ARHGAP45: variants seen among roughly 807,000 people sequenced by gnomAD.
ARHGAP45 encodes Rho GTPase activating protein 45.
In ARHGAP45, 56 loss-of-function variants were observed where a neutral mutation model predicts 116.1. The ratio of observed to expected loss-of-function variants is 0.48; its 90% CI spans 0.39 to 0.60. The LOEUF is 0.60. Among genes scored for constraint, ARHGAP45 ranks in the 20% least tolerant of loss-of-function variants. The pLI, the probability that ARHGAP45 is intolerant of heterozygous loss-of-function variation, is 0.00. For missense variants in ARHGAP45, 1,622 were observed against 1,601.0 expected, an observed-to-expected ratio of 1.01 and a Z score of -0.22; for synonymous variants, 866 against 701.7, an observed-to-expected ratio of 1.23 and a Z score of -3.70.
Position 1,086,238 on chromosome 19 carries a change from G to A in ARHGAP45, c.*232G>A, listed in dbSNP as rs534605555. On this transcript the variant is annotated 3_prime_UTR_variant, in exon 23 of 23. Transcript: ENST00000313093. ...CTGTCCCCTGCACCCCGGCTCAGCTGAGCTGGGGAACACTGCTGTCGTGTG... is the reference window on the plus strand; with the variant it reads ...CTGTCCCCTGCACCCCGGCTCAGCTAAGCTGGGGAACACTGCTGTCGTGTG... 1 of 541,586 alleles carries A rather than the reference G, an allele frequency of 1.8e-6. No homozygotes were observed. Among genetic ancestry groups the A allele is most frequent in the South Asian group, 2.3e-5 (1 of 44,400 alleles). The allele number at this position is 541,586 out of a possible 1,614,324, so 33.5% of individuals were successfully genotyped here. A position where few individuals can be genotyped will look rare whatever the true frequency, so the allele number is the denominator to read the frequency against.
chr19:1,080,795 C>T lies in ARHGAP45; in HGVS notation c.2017+9C>T, dbSNP rs1327124515. ...TTCAGCCTTTGAGCAGGGTGAGGGT[C>T]CCCTGACGGGGCTGGAGAGAGAGGG... is the stretch of plus-strand genomic sequence containing the variant. On this transcript the variant is annotated intron_variant, in intron 16 of 22. Transcript: ENST00000313093. 4 of 1,612,918 alleles carry T rather than the reference C, an allele frequency of 2.5e-6. No individual in the cohort carries two copies. Among genetic ancestry groups the T allele is most frequent in the Non-Finnish European group, 3.4e-6 (4 of 1,179,694 alleles).
chr19:1,078,030 G>A lies in ARHGAP45; in HGVS notation c.1359G>A (p.Glu453=). Residue 453 remains glutamate (E), a synonymous_variant, in exon 11 of 23, where the codon GAG becomes GAA. Coordinates refer to ENST00000313093, the MANE Select transcript of ARHGAP45 (RefSeq NM_012292.5). ...TGGACAAGCGGCGGCGGCTGGAGGA[G>A]GAGGCCAAGAACAAGGTGAGGGCGG... The part of the protein sequence containing the change: ...KTLDKRRRLE[E]EAKNKAEEAM... 6.4e-7 allele frequency: 1 copy of A among 1,554,612 alleles called. No homozygotes were observed. The highest frequency in any genetic ancestry group is 1.9e-5 in the Admixed American group (1 of 51,490).
chr19:1,080,823 G>A (rs200465434), intron 16 of ARHGAP45, 37 bp downstream of exon 16: 9 of 1,610,760 alleles, frequency 5.6e-6, no homozygotes, highest in African/African-American at 2.7e-5. Context: ...AGAGAGGGGG[G>A]TTTGGACACA....
In ARHGAP45 at chr19:1,081,638, G is replaced by T; in HGVS notation, c.2279G>T (p.Gly760Val). 6.3e-7 allele frequency: 1 copy of T among 1,576,706 alleles called. No individual in the cohort carries two copies. The change falls in exon 18 of 23, where the codon GGC becomes GTC. Residue 760 changes from glycine to valine, a missense_variant. By Grantham distance (109) the Gly-to-Val change is moderately radical (BLOSUM62 -3). This residue lies in a region of ARHGAP45 where 1,334 missense variants were observed against 1,263.8 expected (regional missense o/e 1.06). Coordinates refer to ENST00000313093, the MANE Select transcript of ARHGAP45 (RefSeq NM_012292.5). ...KKLQGRLQLF[G>V]QDFSHAARSA... ...CTGCAAGGCCGCCTGCAGCTGTTCG[G>T]CCAGGACTTCAGCCACGCGGCCCGC...
Position 1,081,818 on chromosome 19 carries a change from C to T in ARHGAP45, c.2380-6C>T. 1.9e-6 allele frequency: 3 copies of T among 1,603,836 alleles called. No individual in the cohort carries two copies. The highest frequency in any genetic ancestry group is 2.6e-6 in the Non-Finnish European group (3 of 1,175,796). On this transcript the variant is annotated splice_polypyrimidine_tract_variant and splice_region_variant and intron_variant, in intron 18 of 22. Transcript: ENST00000313093. ...GATGGGCCTCCCCACCCCCGGGCTC[C>T]CGCAGGGCATCTACCGGGTCAATGG... is the stretch of plus-strand genomic sequence containing the variant.
chr19:1,079,873 A>G (rs759270564), intron 12 of ARHGAP45, 33 bp downstream of exon 12: 1 of 1,592,728 alleles, frequency 6.3e-7, no homozygotes, highest in South Asian at 1.1e-5. Context: ...CCGGGCGGGG[A>G]TGGTGGACCG....
intron 11 of ARHGAP45, among the ~76,000 whole-genome samples, chr19:1,078,385 C>T (rs1379958055): frequency 2.6e-5 from 4 of 151,914 alleles, no homozygotes; most frequent in South Asian, 2.1e-4. Context: ...CCTCGTGATC[C>T]GTCCACCTCG....
chr19:1,082,278 G>GCGGGGC (rs151165236), intron 19 of ARHGAP45, among the ~76,000 whole-genome samples: 4 of 136,908 alleles, frequency 2.9e-5, no homozygotes, highest in Admixed American at 7.4e-5. Flanking sequence ...CTGTGCGGGG[G>GCGGGGC]CGGGGCCGGG....
chr19:1,071,437 G>A lies in ARHGAP45; in HGVS notation c.422-1712G>A. 2 of 1,050,282 alleles carry A rather than the reference G, an allele frequency of 1.9e-6. No homozygotes were observed. The highest frequency in any genetic ancestry group is 1.7e-5 in the African/African-American group (1 of 58,104). The allele number at this position is 1,050,282 out of a possible 1,614,324, so 65.1% of individuals were successfully genotyped here. A position where few individuals can be genotyped will look rare whatever the true frequency, so the allele number is the denominator to read the frequency against. Reference sequence around the variant, plus strand: ...GCTCGGGCCGTTTGCCGCCCGCGGTGGGGGAGCAGCGGCTGCCGCGCGCCT... The same window carrying A: ...GCTCGGGCCGTTTGCCGCCCGCGGTAGGGGAGCAGCGGCTGCCGCGCGCCT... On this transcript the variant is annotated intron_variant, in intron 2 of 22. Coordinates refer to ENST00000313093, the MANE Select transcript of ARHGAP45 (RefSeq NM_012292.5). The surrounding 1 kb of genome is among the most constrained non-coding windows in gnomAD (Gnocchi z 4.6).
upstream of ARHGAP45, among the ~76,000 whole-genome samples, chr19:1,066,338 C>G (rs963014168): frequency 2.0e-5 from 3 of 152,096 alleles, no homozygotes; most frequent in African/African-American, 7.2e-5. Flanking sequence ...TGCCCCAGCT[C>G]TTGGCCAATG....
In ARHGAP45 at chr19:1,081,949, C is replaced by T; in HGVS notation, c.2505C>T (p.Leu835=). Residue 835 remains leucine, a synonymous_variant, in exon 19 of 23, where the codon CTC becomes CTT. Transcript: ENST00000313093. ...SPHDISNVLK[L]YLRQLPEPLI... is the part of the protein sequence containing the mutation. ...ACGACATCAGCAACGTCCTCAAGCT[C>T]TACCTGCGTCAGGTGAGACCCACCG... 1 of 1,611,552 alleles carries T rather than the reference C, an allele frequency of 6.2e-7. No individual in the cohort carries two copies.
At chr19:1,081,172 A>C (rs1220433276) in intron 17 of ARHGAP45, 108 bp downstream of exon 17, 2 of 1,266,348 alleles carry the variant, frequency 1.6e-6, no homozygotes, top group Non-Finnish European at 2.2e-6. Flanking sequence ...AGCAGGGAGC[A>C]GTCGGACGCC....
rs1394990687 is a variant in ARHGAP45 at position 1,068,042 on chromosome 19, G to C, written c.91-372G>C. ...GCTCTGGGGTTCCATGGACCTTTAG[G>C]GGACAGACAGAGTCAGAAGTGTGTT... On this transcript the variant is annotated intron_variant, in intron 1 of 22. Coordinates refer to ENST00000313093, the MANE Select transcript of ARHGAP45 (RefSeq NM_012292.5). This position sits in a 1 kb window ranked among gnomAD's most constrained non-coding sequence, Gnocchi z 7.5. 6.6e-6 allele frequency among the ~76,000 whole-genome samples: 1 copy of C among 151,930 alleles called. No homozygotes were observed. Among genetic ancestry groups the C allele is most frequent in the Non-Finnish European group, 1.5e-5 (1 of 67,956 alleles).
At chr19:1,073,795 C>T in intron 5 of ARHGAP45, 49 bp downstream of exon 5, 7 of 1,549,278 alleles carry the variant, frequency 4.5e-6, no homozygotes, top group Non-Finnish European at 6.1e-6. Context: ...TGGAGGCCAG[C>T]CGGGTTCAGG....
In ARHGAP45 at chr19:1,074,110, T is replaced by C; in HGVS notation, c.797T>C (p.Leu266Pro). 1 of 1,612,058 alleles carries C rather than the reference T, an allele frequency of 6.2e-7. No homozygotes were observed. Among genetic ancestry groups the C allele is most frequent in the Non-Finnish European group, 8.5e-7 (1 of 1,179,416 alleles). Residue 266 changes from leucine to proline, a missense_variant, in exon 7 of 23, where the codon CTG becomes CCG. By Grantham distance (98) the Leu-to-Pro change is moderately conservative. Transcript: ENST00000313093. The stretch of plus-strand genomic sequence containing the variant: ...AGGCCCCCGTTCCCTGCAGGCTGCC[T>C]GCCCGCCGAGGAGGTGGACGTGCTG... ...PSLEDCDAGC[L>P]PAEEVDVLLQ...
In ARHGAP45 at chr19:1,076,984, C is replaced by T. The variant is rs548142253; in HGVS notation, c.1186-873C>T. On this transcript the variant is annotated intron_variant, in intron 10 of 22. Coordinates refer to ENST00000313093, the MANE Select transcript of ARHGAP45 (RefSeq NM_012292.5). ...CCTCAAGTGATCCTCCTGCCTCGGC[C>T]TCCCAAAGCACTGGGAGTACAGGTG... The T allele has an allele frequency of 1.7e-5, 17 of 976,208 alleles. No homozygotes were observed. In the East Asian group the frequency reaches 1.5e-3, roughly 85 times the overall value. 60.5% of individuals were successfully genotyped at this position (976,208 alleles called of 1,614,324 possible). A position where few individuals can be genotyped will look rare whatever the true frequency, so the allele number is the denominator to read the frequency against.
rs1421218746 is a variant in ARHGAP45 at position 1,085,682 on chromosome 19, T to C, written c.3087T>C (p.Asp1029=). 9.5e-6 allele frequency: 15 copies of C among 1,583,198 alleles called. No individual in the cohort carries two copies. The highest frequency in any genetic ancestry group is 1.1e-5 in the South Asian group (1 of 88,860). The change falls in exon 23 of 23, where the codon GAT becomes GAC. Residue 1029 remains aspartate, a synonymous_variant. Transcript: ENST00000313093. Reference sequence around the variant, plus strand: ...TAGAATCCCGAGTTGTGTCCAACGATTCGGACTCGGACCTAGAGGAGGCCT... The same window carrying C: ...TAGAATCCCGAGTTGTGTCCAACGACTCGGACTCGGACCTAGAGGAGGCCT... The part of the protein sequence containing the change: ...GCRESRVVSN[D]SDSDLEEASE...
Position 1,071,136 on chromosome 19 carries a change from C to T in ARHGAP45, c.422-2013C>T. The T allele has an allele frequency of 7.9e-7, 1 of 1,262,676 alleles. No individual in the cohort carries two copies. 78.2% of individuals were successfully genotyped at this position (1,262,676 alleles called of 1,614,324 possible). On this transcript the variant is annotated intron_variant, in intron 2 of 22. Transcript: ENST00000313093. The surrounding 1 kb of genome is among the most constrained non-coding windows in gnomAD (Gnocchi z 4.6). ...TCGAAGCTCTGCGGTTAAGGAAGGA[C>T]CCAGGCTGGGGCGAACGGGACCCCA... is the stretch of plus-strand genomic sequence containing the variant.
At position 1,084,281 on chromosome 19, in the gene ARHGAP45, C is replaced by A. The variant is rs1263021489; in HGVS notation, c.2999C>A (p.Pro1000Gln). The change falls in exon 22 of 23, where the codon CCG (proline) becomes CAG (glutamine). Residue 1000 changes from proline (P) to glutamine (Q), a missense_variant. By Grantham distance (76) the Pro-to-Gln change is moderately conservative. Around this residue, in one of 3 missense-constraint regions of ARHGAP45, gnomAD observed 1,334 missense variants for 1,263.8 expected, o/e 1.06. Transcript: ENST00000313093. ...CGAGCTGAGGTAGTCGTCCAGGTGC[C>A]GTACCTGGAGGCGGGCGAGGCGGTG... Reference protein sequence around the residue: ...NQRAEVVVQVPYLEAGEAVVY... With the variant: ...NQRAEVVVQVQYLEAGEAVVY... 4 of 1,613,110 alleles carry A rather than the reference C, an allele frequency of 2.5e-6. No homozygotes were observed. Among genetic ancestry groups the A allele is most frequent in the Non-Finnish European group, 3.4e-6 (4 of 1,179,670 alleles).
Sources: gnomAD v4.1 joint callset for allele counts (sites outside exome capture counted in the v4.1 genomes callset) on GRCh38, gnomAD v4.1.1 for gene constraint, gnomAD v4.1.1 regional missense constraint, Gnocchi (gnomAD v3.1) non-coding constraint, MANE v1.5 for transcripts, NCBI Gene and HGNC (gene_info 2026-07-23, HGNC 2026-07-21) for gene names.